The following KCNQ4 variants were observed in gnomAD, a reference collection of about 807,000 sequenced individuals.
KCNQ4 encodes potassium voltage-gated channel subfamily KQT member 4.
KCNQ4 carries 31 observed loss-of-function variants against 72.6 expected under a neutral mutation model. The observed-to-expected ratio is 0.43, with a 90% CI of 0.32 to 0.58. The LOEUF (loss-of-function observed/expected upper bound fraction) is 0.58. Among genes scored for constraint, KCNQ4 ranks in the 20% least tolerant of loss-of-function variants. KCNQ4 has a pLI of 0.08. For synonymous variants in KCNQ4, 405 were observed against 403.7 expected, an observed-to-expected ratio of 1.00 and a Z score of -0.04; for missense variants, 869 against 962.6, an observed-to-expected ratio of 0.90 and a Z score of 1.29.
intron 1 of KCNQ4, among the ~76,000 whole-genome samples, chr1:40,787,100 G>C (rs1490680686): frequency 1.3e-5 from 2 of 152,172 alleles, no homozygotes; most frequent in African/African-American, 4.8e-5. Context: ...GCAAGAGAAG[G>C]GCTCTGGGCG....
At position 40,819,475 on chromosome 1, in the gene KCNQ4, G is replaced by A. The variant is rs752078106; in HGVS notation, c.834+3G>A. On this transcript the variant is annotated splice_donor_region_variant and intron_variant, in intron 5 of 13. Transcript: ENST00000347132. ...CCGACTCGCTCTGGTGGGGGACGGT[G>A]CGTGAGGGTCTTTGTAGGGCTGCCC... 2.5e-6 allele frequency: 4 copies of A among 1,613,694 alleles called. No homozygotes were observed. In the African/African-American group the frequency reaches 4.0e-5, roughly 16 times the overall value.
chr1:40,827,236 A>G (rs1648504888), intron 9 of KCNQ4, among the ~76,000 whole-genome samples: 1 of 152,152 alleles, frequency 6.6e-6, no homozygotes, highest in Middle Eastern at 3.2e-3. Flanking sequence ...CACGGTGATG[A>G]ATAAAACATC....
rs1648763159 is a variant in KCNQ4 at position 40,834,846 on chromosome 1, A to G, written c.1614-121A>G. The stretch of plus-strand genomic sequence containing the variant: ...CTGGGAGACGCAGCAGAGGCTGTTC[A>G]TGGTGGCCAAGCAGGAGGTGCCCTG... On this transcript the variant is annotated intron_variant, in intron 11 of 13. Coordinates refer to ENST00000347132, the MANE Select transcript of KCNQ4 (RefSeq NM_004700.4). The G allele has an allele frequency of 2.2e-6, 3 of 1,353,200 alleles. No individual in the cohort carries two copies. In the African/African-American group the frequency reaches 4.3e-5, roughly 20 times the overall value. 83.8% of individuals were successfully genotyped at this position (1,353,200 alleles called of 1,614,324 possible).
intron 1 of KCNQ4, among the ~76,000 whole-genome samples, chr1:40,812,314 T>C (rs1397060273): frequency 6.6e-6 from 1 of 152,196 alleles, no homozygotes; most frequent in Non-Finnish European, 1.5e-5. Context: ...TAGAATGCAG[T>C]GGCGAGATCA....
In KCNQ4 at chr1:40,784,534, C is replaced by G. The variant is rs1027393041; in HGVS notation, c.314+127C>G. On this transcript the variant is annotated intron_variant, in intron 1 of 13. Coordinates refer to ENST00000347132, the MANE Select transcript of KCNQ4 (RefSeq NM_004700.4). This position sits in a 1 kb window ranked among gnomAD's most constrained non-coding sequence, Gnocchi z 4.1. ...AGGGCCGACCCTCATCTCTCTCCCC[C>G]CAGGCCTAAGCCCGGTTTCTGATCC... 5.6e-6 allele frequency: 5 copies of G among 895,332 alleles called. No individual in the cohort carries two copies. The highest frequency in any genetic ancestry group is 5.1e-5 in the East Asian group (2 of 39,124). 55.5% of individuals were successfully genotyped at this position (895,332 alleles called of 1,614,324 possible).
chr1:40,798,560 T>C (rs1346480913), intron 1 of KCNQ4, among the ~76,000 whole-genome samples: 1 of 152,240 alleles, frequency 6.6e-6, no homozygotes, highest in East Asian at 1.9e-4. Context: ...AAAGGAGAAG[T>C]GACTTGCCCA....
At chr1:40,836,259 G>A (rs1648803321) in intron 12 of KCNQ4, among the ~76,000 whole-genome samples, 1 of 152,174 alleles carries the variant, frequency 6.6e-6, no homozygotes, top group Non-Finnish European at 1.5e-5. Context: ...AGGGTTTTCT[G>A]ATGGGGTGTT....
chr1:40,815,720 G>A (rs755004905), intron 1 of KCNQ4, among the ~76,000 whole-genome samples: 10 of 152,028 alleles, frequency 6.6e-5, no homozygotes, highest in Admixed American at 1.3e-4. Flanking sequence ...CCCCAAAAAG[G>A]TCAGGAACCC....
At chr1:40,812,916 GA>G (rs1050468889) in intron 1 of KCNQ4, among the ~76,000 whole-genome samples, 1 of 152,216 alleles carries the variant, frequency 6.6e-6, no homozygotes, top group African/African-American at 2.4e-5. Context: ...CGGTCAGTCA[GA>G]ATAAGGGGCA....
At position 40,818,639 on chromosome 1, in the gene KCNQ4, A is replaced by G. The variant is rs746418206; in HGVS notation, c.667A>G (p.Thr223Ala). The G allele has an allele frequency of 6.2e-7, 1 of 1,606,398 alleles. No homozygotes were observed. Reference sequence around the variant, plus strand: ...GGTGCGCATGGACCGCCGCGGCGGCACCTGGAAGCTGCTGGGCTCAGTGGT... The same window carrying G: ...GGTGCGCATGGACCGCCGCGGCGGCGCCTGGAAGCTGCTGGGCTCAGTGGT... Reference protein sequence around the residue: ...RMVRMDRRGGTWKLLGSVVYA... With the variant: ...RMVRMDRRGGAWKLLGSVVYA... The change falls in exon 4 of 14, where the codon ACC becomes GCC. Residue 223 changes from threonine (T) to alanine (A), a missense_variant. Transcript: ENST00000347132.
intron 1 of KCNQ4, among the ~76,000 whole-genome samples, chr1:40,806,195 G>C (rs1457751494): frequency 6.6e-6 from 1 of 152,152 alleles, no homozygotes; most frequent in Non-Finnish European, 1.5e-5. Context: ...ACCCGAATCT[G>C]CACGGAGCTG....
intron 10 of KCNQ4, among the ~76,000 whole-genome samples, chr1:40,831,840 A>G (rs1050657495): frequency 4.6e-5 from 7 of 151,944 alleles, no homozygotes; most frequent in Admixed American, 6.6e-5. Context: ...GGCTTATCTC[A>G]TTTACTTCTC....
In KCNQ4 at chr1:40,784,417, C is replaced by G. The variant is rs369876991; in HGVS notation, c.314+10C>G. 1.2e-6 allele frequency: 2 copies of G among 1,605,362 alleles called. No individual in the cohort carries two copies. The highest frequency in any genetic ancestry group is 1.7e-5 in the Admixed American group (1 of 59,918). On this transcript the variant is annotated intron_variant, in intron 1 of 13. Coordinates refer to ENST00000347132, the MANE Select transcript of KCNQ4 (RefSeq NM_004700.4). The surrounding 1 kb of genome is among the most constrained non-coding windows in gnomAD (Gnocchi z 4.1). ...TCTACCACGTCTTCATGTGAGTTTG[C>G]GACCCCGCGCCCTTCCGCGTTTCCC...
intron 1 of KCNQ4, among the ~76,000 whole-genome samples, chr1:40,801,166 G>A (rs774170788): frequency 7.9e-5 from 12 of 151,662 alleles, no homozygotes; most frequent in Non-Finnish European, 4.4e-5. Flanking sequence ...GTCAGTGAGA[G>A]GCTGGCTGGG....
intron 9 of KCNQ4, among the ~76,000 whole-genome samples, chr1:40,827,807 C>A (rs542136016): frequency 6.6e-6 from 1 of 152,310 alleles, no homozygotes; most frequent in East Asian, 1.9e-4. Context: ...ATGTAAAATG[C>A]AGATGTAAAT....
At chr1:40,805,841 GA>G (rs1281451694) in intron 1 of KCNQ4, among the ~76,000 whole-genome samples, 1 of 151,914 alleles carries the variant, frequency 6.6e-6, no homozygotes, top group Non-Finnish European at 1.5e-5. Flanking sequence ...TTGTTCACAT[GA>G]AATTTTTTTT....
At chr1:40,789,705 C>T (rs1647244009) in intron 1 of KCNQ4, among the ~76,000 whole-genome samples, 1 of 152,230 alleles carries the variant, frequency 6.6e-6, no homozygotes, top group Non-Finnish European at 1.5e-5. Flanking sequence ...ACTTCAATCC[C>T]TATTGCTGCC....
chr1:40,823,648 C>T (rs1468060268), intron 8 of KCNQ4, among the ~76,000 whole-genome samples: 5 of 152,190 alleles, frequency 3.3e-5, no homozygotes, highest in Non-Finnish European at 5.9e-5. Flanking sequence ...ATCTAGTCTT[C>T]AAAAACCCAG....
intron 1 of KCNQ4, among the ~76,000 whole-genome samples, chr1:40,801,189 G>A (rs1196801250): frequency 3.3e-5 from 5 of 151,896 alleles, no homozygotes; most frequent in Non-Finnish European, 5.9e-5. Context: ...GAAGGGGAAT[G>A]GGGGTGAGTC....
Sources: allele counts gnomAD v4.1 joint callset (sites outside exome capture counted in the v4.1 genomes callset), GRCh38; gene constraint gnomAD v4.1.1; non-coding constraint Gnocchi (gnomAD v3.1); transcripts MANE v1.5; gene names NCBI Gene and HGNC (gene_info 2026-07-23, HGNC 2026-07-21).